Variants in DOK6 observed in about 807,000 individuals in gnomAD.
DOK6 encodes the protein docking protein 6, also known as downstream of tyrosine kinase 6.
In DOK6, 22 loss-of-function variants were observed where a neutral mutation model predicts 44.0. That is an observed-to-expected ratio of 0.50 (90% CI 0.36 to 0.71). DOK6 has a LOEUF of 0.71. DOK6 is among the 30% of genes least tolerant of loss of function. The probability of loss-of-function intolerance (pLI) is 0.00; values close to 1 mark genes in which losing one functional copy is unlikely to be tolerated. For missense variants in DOK6, 340 were observed against 416.4 expected (o/e 0.82, Z 1.60); for synonymous variants, 166 against 145.5 (o/e 1.14, Z -1.01).
intron 1 of DOK6, among the ~76,000 whole-genome samples, chr18:69,509,851 G>C (rs1022790620): frequency 6.6e-6 from 1 of 152,064 alleles, no homozygotes. Context: ...TTGTGCCATC[G>C]TTGAGATTCT....
intron 2 of DOK6, among the ~76,000 whole-genome samples, chr18:69,587,744 G>A (rs1462491597): frequency 1.4e-5 from 2 of 146,484 alleles, no homozygotes; most frequent in African/African-American, 5.0e-5. Flanking sequence ...TGGAGTCAGT[G>A]GAGCATGTTA....
intron 3 of DOK6, among the ~76,000 whole-genome samples, chr18:69,654,804 T>C (rs1267501458): frequency 6.6e-6 from 1 of 152,194 alleles, no homozygotes; most frequent in Non-Finnish European, 1.5e-5. Flanking sequence ...ACGCCTGTAA[T>C]CCCAGTACTT....
intron 1 of DOK6, among the ~76,000 whole-genome samples, chr18:69,420,912 T>C (rs1402058289): frequency 6.6e-6 from 1 of 152,174 alleles, no homozygotes; most frequent in Non-Finnish European, 1.5e-5. Context: ...CCCAATTTAA[T>C]TGGAACCATT....
intron 2 of DOK6, among the ~76,000 whole-genome samples, chr18:69,572,910 A>G (rs901056737): frequency 3.3e-5 from 5 of 151,992 alleles, no homozygotes; most frequent in African/African-American, 1.2e-4. Flanking sequence ...AGAGAATGAT[A>G]GATGAGAAAA....
chr18:69,585,112 G>T (rs1599206395), intron 2 of DOK6, among the ~76,000 whole-genome samples: 1 of 151,524 alleles, frequency 6.6e-6, no homozygotes, highest in African/African-American at 2.4e-5. Flanking sequence ...TCAGTTGAAT[G>T]TCTAAATTCT....
At chr18:69,486,443 A>G (rs1183249024) in intron 1 of DOK6, among the ~76,000 whole-genome samples, 1 of 152,130 alleles carries the variant, frequency 6.6e-6, no homozygotes, top group Non-Finnish European at 1.5e-5. Context: ...AGTTTTTCCT[A>G]TTTCTCCTGT....
chr18:69,420,033 T>G (rs1338647685), intron 1 of DOK6, among the ~76,000 whole-genome samples: 1 of 152,138 alleles, frequency 6.6e-6, no homozygotes, highest in African/African-American at 2.4e-5. Context: ...GATGTTTAAT[T>G]TTTACAAACT....
chr18:69,658,245 G>A (rs79686317), intron 3 of DOK6, among the ~76,000 whole-genome samples: 6 of 152,100 alleles, frequency 3.9e-5, no homozygotes, highest in South Asian at 2.1e-4. Flanking sequence ...AAGCCACCAC[G>A]CCCAGCCTGG....
At chr18:69,499,987 T>C (rs1185958421) in intron 1 of DOK6, among the ~76,000 whole-genome samples, 3 of 152,144 alleles carry the variant, frequency 2.0e-5, no homozygotes, top group African/African-American at 7.2e-5. Context: ...ATCATTGTGG[T>C]ATATGTAGAA....
At chr18:69,596,525 A>G (rs1983744735) in intron 2 of DOK6, among the ~76,000 whole-genome samples, 1 of 152,186 alleles carries the variant, frequency 6.6e-6, no homozygotes, top group Admixed American at 6.5e-5. Context: ...CCCCAATAAG[A>G]TTAACATCTG....
At chr18:69,642,937 C>A (rs1240171785) in intron 3 of DOK6, among the ~76,000 whole-genome samples, 1 of 152,166 alleles carries the variant, frequency 6.6e-6, no homozygotes, top group African/African-American at 2.4e-5. Flanking sequence ...GATCAAATAG[C>A]ACACTGATGA....
intron 3 of DOK6, among the ~76,000 whole-genome samples, chr18:69,655,781 AAAC>A (rs540399965): frequency 0.028 from 1,878 of 66,992 alleles, 71 homozygotes; most frequent in Non-Finnish European, 0.042. Flanking sequence ...AAAAAAAAAA[AAAC>A]AAAAGAACAA....
At chr18:69,744,422 G>A (rs1978910628) in intron 6 of DOK6, among the ~76,000 whole-genome samples, 1 of 151,028 alleles carries the variant, frequency 6.6e-6, no homozygotes, top group Admixed American at 6.6e-5. Context: ...TTTGATTGCT[G>A]AGAGTGATCA....
At chr18:69,543,579 C>G (rs1982324723) in intron 1 of DOK6, among the ~76,000 whole-genome samples, 1 of 151,360 alleles carries the variant, frequency 6.6e-6, no homozygotes, top group African/African-American at 2.4e-5. Flanking sequence ...ACTTTTAAAC[C>G]AATACATTAA....
At chr18:69,454,558 G>A (rs113428109) in intron 1 of DOK6, among the ~76,000 whole-genome samples, 11,683 of 75,324 alleles carry the variant, frequency 0.16, 1,227 homozygotes, top group Non-Finnish European at 0.22. Context: ...CCCATTACTG[G>A]GTATATACCC....
At chr18:69,410,703 G>T (rs1368000806) in intron 1 of DOK6, among the ~76,000 whole-genome samples, 9 of 152,130 alleles carry the variant, frequency 5.9e-5, no homozygotes, top group Non-Finnish European at 1.3e-4. Context: ...CAGCAATGTG[G>T]ATGCTCTTGA....
At chr18:69,477,067 G>A (rs966173800) in intron 1 of DOK6, among the ~76,000 whole-genome samples, 2 of 152,198 alleles carry the variant, frequency 1.3e-5, no homozygotes, top group Non-Finnish European at 2.9e-5. Context: ...GCTACTTGTA[G>A]CATAAAAATA....
intron 1 of DOK6, among the ~76,000 whole-genome samples, chr18:69,455,085 G>T (rs1448010736): frequency 7.4e-6 from 1 of 134,806 alleles, no homozygotes; most frequent in Non-Finnish European, 1.6e-5. Context: ...GAAAAGAAAA[G>T]AAAATAGCTG....
At chr18:69,550,276 G>C (rs1436105393) in intron 1 of DOK6, among the ~76,000 whole-genome samples, 1 of 151,778 alleles carries the variant, frequency 6.6e-6, no homozygotes, top group Non-Finnish European at 1.5e-5. Context: ...CAAAATGCCT[G>C]TATGAAAATG....
Sources: allele counts gnomAD v4.1 joint callset (sites outside exome capture counted in the v4.1 genomes callset), GRCh38; gene constraint gnomAD v4.1.1; transcripts MANE v1.5; gene names NCBI Gene and HGNC (gene_info 2026-07-23, HGNC 2026-07-21).